NISCH: variants seen among roughly 807,000 people sequenced by gnomAD.
The protein encoded by NISCH is I-1 receptor candidate protein.
In NISCH, 55 loss-of-function variants were observed where a neutral mutation model predicts 138.4. The ratio of observed to expected loss-of-function variants is 0.40; its 90% CI spans 0.32 to 0.50. The LOEUF (loss-of-function observed/expected upper bound fraction) is 0.50, where lower values mean the gene tolerates loss of function less well. Among genes scored for constraint, NISCH ranks in the 20% least tolerant of loss-of-function variants. The probability of loss-of-function intolerance (pLI) is 0.71; values close to 1 mark genes in which losing one functional copy is unlikely to be tolerated. For missense variants in NISCH, 1,643 were observed against 2,005.5 expected, an observed-to-expected ratio of 0.82 and a Z score of 3.45; for synonymous variants, 860 against 861.5, an observed-to-expected ratio of 1.00 and a Z score of 0.03.
intron 7 of NISCH, 23 bp downstream of exon 7, chr3:52,473,852 C>G (rs762615716): frequency 3.3e-6 from 5 of 1,535,534 alleles, no homozygotes; most frequent in Admixed American, 1.7e-5. Flanking sequence ...TATATCCTGC[C>G]TGGGGCAATG....
intron 12 of NISCH, 59 bp downstream of exon 12, chr3:52,479,921 G>T: frequency 1.5e-6 from 2 of 1,364,824 alleles, no homozygotes; most frequent in Non-Finnish European, 2.1e-6. Context: ...ATAGGAGCCA[G>T]TTTGGGGGGC....
At chr3:52,463,807 T>G (rs185481023) in intron 3 of NISCH, among the ~76,000 whole-genome samples, 8 of 137,456 alleles carry the variant, frequency 5.8e-5, no homozygotes, top group African/African-American at 2.2e-4. Flanking sequence ...CACTGCAACC[T>G]CTGTCTCCTG....
Position 52,491,889 on chromosome 3 carries a change from G to T in NISCH, c.3922G>T (p.Glu1308Ter). 2 of 1,598,812 alleles carry T rather than the reference G, an allele frequency of 1.3e-6. No individual in the cohort carries two copies. Among genetic ancestry groups the T allele is most frequent in the South Asian group, 1.1e-5 (1 of 89,474 alleles). Residue 1308 changes from glutamate to a stop codon, truncating the protein, a stop_gained, in exon 21 of 21, where the codon GAG (glutamate) becomes TAG (stop). Transcript: ENST00000345716. LOFTEE classifies it high-confidence loss of function. ...CTCTGCAGGGAAGATGGAGAACTAC[G>T]AGCTGATCCACTCTAGTCGCGTCAA... ...NKTTGKMENY[E>*]LIHSSRVKFT...
At chr3:52,485,890 G>C in intron 15 of NISCH, 63 bp downstream of exon 15, 2 of 1,503,916 alleles carry the variant, frequency 1.3e-6, no homozygotes, top group African/African-American at 2.8e-5. Context: ...ACACACTGCT[G>C]TGGGCCAGGG....
Position 52,487,919 on chromosome 3 carries a change from A to G in NISCH, c.2427A>G (p.Ser809=). The part of the protein sequence containing the change: ...NLHEFHADLR[S]CFAPQHMAML... ...ACGAGTTCCACGCGGACCTGCGCTC[A>G]TGCTTTGCACCCCAGCACATGGCCA... The change falls in exon 16 of 21, where the codon TCA becomes TCG. Residue 809 remains serine, a synonymous_variant. Transcript: ENST00000345716. This position sits in a 1 kb window ranked among gnomAD's most constrained non-coding sequence, Gnocchi z 9.1. 1 of 1,611,734 alleles carries G rather than the reference A, an allele frequency of 6.2e-7. No individual in the cohort carries two copies. The highest frequency in any genetic ancestry group is 2.2e-5 in the East Asian group (1 of 44,856).
chr3:52,459,004 GA>G (rs1706556175), intron 3 of NISCH, among the ~76,000 whole-genome samples, 160 bp downstream of exon 3: 1 of 152,218 alleles, frequency 6.6e-6, no homozygotes, highest in Non-Finnish European at 1.5e-5. Context: ...ATTGTGGCCA[GA>G]AGCATGTTAG....
intron 5 of NISCH, 133 bp downstream of exon 5, chr3:52,472,110 T>G: frequency 9.2e-7 from 1 of 1,083,646 alleles, no homozygotes; most frequent in Non-Finnish European, 1.3e-6. Flanking sequence ...CCGGTTATTC[T>G]TGGCACTATG....
intron 3 of NISCH, among the ~76,000 whole-genome samples, chr3:52,467,514 G>A (rs1013483169): frequency 1.3e-5 from 2 of 152,182 alleles, no homozygotes; most frequent in Non-Finnish European, 2.9e-5. Flanking sequence ...CCATGTGCTA[G>A]GTTTGGGGGC....
At chr3:52,483,727 G>T (rs138403964) in intron 13 of NISCH, among the ~76,000 whole-genome samples, 2 of 152,212 alleles carry the variant, frequency 1.3e-5, no homozygotes, top group Non-Finnish European at 2.9e-5. Context: ...GAATTGTCCC[G>T]TGCCCTGTGT....
intron 13 of NISCH, chr3:52,481,816 G>A (rs1291897921): frequency 6.1e-6 from 6 of 985,454 alleles, no homozygotes; most frequent in Non-Finnish European, 7.2e-6. Flanking sequence ...GGGACACTCT[G>A]CAGAGGGGCA....
At position 52,479,799 on chromosome 3, in the gene NISCH, A is replaced by C; in HGVS notation, c.1353A>C (p.Glu451Asp). ...VTTEKELDTV[E>D]VLKAIQKAKE... ...CAGAGAAGGAGCTGGACACTGTGGAAGTGCTGAAAGCAATTCAGAAAGCCA... is the reference window on the plus strand; with the variant it reads ...CAGAGAAGGAGCTGGACACTGTGGACGTGCTGAAAGCAATTCAGAAAGCCA... The change falls in exon 12 of 21, where the codon GAA (glutamate) becomes GAC (aspartate). Residue 451 changes from glutamate to aspartate, a missense_variant. Transcript: ENST00000345716. 1 of 1,613,894 alleles carries C rather than the reference A, an allele frequency of 6.2e-7. No homozygotes were observed. Among genetic ancestry groups the C allele is most frequent in the Non-Finnish European group, 8.5e-7 (1 of 1,179,934 alleles).
chr3:52,469,792 G>A (rs1706888334), intron 3 of NISCH, among the ~76,000 whole-genome samples: 1 of 151,968 alleles, frequency 6.6e-6, no homozygotes, highest in South Asian at 2.1e-4. Context: ...GCACATGCCT[G>A]TACTACCAAC....
rs773976942 is a variant in NISCH, at chr3:52,455,636, C to A, written c.-6C>A. On this transcript the variant is annotated 5_prime_UTR_variant, in exon 1 of 21. Transcript: ENST00000345716. Reference sequence around the variant, plus strand: ...GCCGGGCGGCGGTGGCGGCGGAGACCCGAACATGGCGACCGCGCGCACCTT... The same window carrying A: ...GCCGGGCGGCGGTGGCGGCGGAGACACGAACATGGCGACCGCGCGCACCTT... 1 of 1,333,468 alleles carries A rather than the reference C, an allele frequency of 7.5e-7. No homozygotes were observed. The highest frequency in any genetic ancestry group is 9.7e-7 in the Non-Finnish European group (1 of 1,034,528). 82.6% of individuals were successfully genotyped at this position (1,333,468 alleles called of 1,614,324 possible). A position where few individuals can be genotyped will look rare whatever the true frequency, so the allele number is the denominator to read the frequency against.
chr3:52,489,338 A>G lies in NISCH; in HGVS notation c.3116A>G (p.Asn1039Ser), dbSNP rs1476581709. The change falls in exon 17 of 21, where the codon AAT (asparagine) becomes AGT (serine). Residue 1039 changes from asparagine (N) to serine (S), a missense_variant and splice_region_variant. Coordinates refer to ENST00000345716, the MANE Select transcript of NISCH (RefSeq NM_007184.4). ...ATGGTGTTTTTCGGGGGATACAGCAATGACCAGCGTCCCCAGGAGGTCCCA... is the reference window on the plus strand; with the variant it reads ...ATGGTGTTTTTCGGGGGATACAGCAGTGACCAGCGTCCCCAGGAGGTCCCA... ...DGQPAERRAS[N>S]DQRPQEVPAE... 6.2e-6 allele frequency: 10 copies of G among 1,611,416 alleles called. No individual in the cohort carries two copies. In the East Asian group the frequency reaches 1.8e-4, roughly 29 times the overall value.
Position 52,490,129 on chromosome 3 carries a change from A to G in NISCH, c.3511A>G (p.Thr1171Ala). 1 of 1,613,290 alleles carries G rather than the reference A, an allele frequency of 6.2e-7. No individual in the cohort carries two copies. Among genetic ancestry groups the G allele is most frequent in the Non-Finnish European group, 8.5e-7 (1 of 1,179,970 alleles). Reference sequence around the variant, plus strand: ...GTGGTCCTCGGTGGTGTTCTACCAGACCCCAGGGCTGGAGGTGACTGCCTG... The same window carrying G: ...GTGGTCCTCGGTGGTGTTCTACCAGGCCCCAGGGCTGGAGGTGACTGCCTG... ...LMWSSVVFYQ[T>A]PGLEVTACVL... Residue 1171 changes from threonine to alanine, a missense_variant, in exon 18 of 21, where the codon ACC becomes GCC. Transcript: ENST00000345716.
In NISCH at chr3:52,487,003, A is replaced by G. The variant is rs888765306; in HGVS notation, c.1704-193A>G. ...TAGACTCTGACCAAACTGGCGACCCAGCCTTCCAGCAGGCAGCACTGGCTC... is the reference window on the plus strand; with the variant it reads ...TAGACTCTGACCAAACTGGCGACCCGGCCTTCCAGCAGGCAGCACTGGCTC... On this transcript the variant is annotated intron_variant, in intron 15 of 20. Coordinates refer to ENST00000345716, the MANE Select transcript of NISCH (RefSeq NM_007184.4). This position sits in a 1 kb window ranked among gnomAD's most constrained non-coding sequence, Gnocchi z 9.1. Among the ~76,000 whole-genome samples, 1 of 152,246 alleles carries G rather than the reference A, an allele frequency of 6.6e-6. No individual in the cohort carries two copies. Among genetic ancestry groups the G allele is most frequent in the Non-Finnish European group, 1.5e-5 (1 of 68,036 alleles).
chr3:52,464,401 CA>C (rs112134629), intron 3 of NISCH, among the ~76,000 whole-genome samples: 1 of 145,406 alleles, frequency 6.9e-6, no homozygotes, highest in Non-Finnish European at 1.5e-5. Context: ...TCTAAAAAAA[CA>C]AAAAAAACAA....
intron 4 of NISCH, 139 bp from the exon 5 acceptor site, chr3:52,471,675 T>C (rs1706951317): frequency 5.3e-6 from 5 of 946,432 alleles, no homozygotes; most frequent in Non-Finnish European, 8.2e-6. Context: ...CAGCAGCTCC[T>C]GCATGCCCAG....
Position 52,492,471 on chromosome 3 carries a change from C to G in NISCH, c.4504C>G (p.Leu1502Val). ...ALCGRELPVE[L>V]TG ...GTGTGGCCGTGAGCTGCCTGTCGAG[C>G]TCACCGGCTAGCCCAGGCCACAGCC... The change falls in exon 21 of 21, where the codon CTC (leucine) becomes GTC (valine). Residue 1502 changes from leucine (L) to valine (V), a missense_variant. Transcript: ENST00000345716. 1 of 1,600,534 alleles carries G rather than the reference C, an allele frequency of 6.2e-7. No individual in the cohort carries two copies. Among genetic ancestry groups the G allele is most frequent in the African/African-American group, 1.3e-5 (1 of 74,990 alleles).
Sources: allele counts gnomAD v4.1 joint callset (sites outside exome capture counted in the v4.1 genomes callset), GRCh38; gene constraint gnomAD v4.1.1; non-coding constraint Gnocchi (gnomAD v3.1); transcripts MANE v1.5; gene names NCBI Gene and HGNC (gene_info 2026-07-23, HGNC 2026-07-21).